Variants in CDH12 observed in about 807,000 individuals in gnomAD.
The protein encoded by CDH12 is cadherin-12.
A neutral mutation model predicts 74.1 loss-of-function variants in CDH12; 41 were observed. The observed-to-expected ratio is 0.55, with a 90% CI of 0.43 to 0.72. The LOEUF (loss-of-function observed/expected upper bound fraction) is 0.72, where lower values mean the gene tolerates loss of function less well. CDH12 is among the 30% of genes least tolerant of loss of function. The probability of loss-of-function intolerance (pLI) is 0.00; values close to 1 mark genes in which losing one functional copy is unlikely to be tolerated. For missense variants in CDH12, 945 were observed against 977.2 expected, an observed-to-expected ratio of 0.97 and a Z score of 0.44; for synonymous variants, 399 against 355.0, an observed-to-expected ratio of 1.12 and a Z score of -1.39.
At chr5:22,413,434 T>C (rs1027560641) in intron 2 of CDH12, among the ~76,000 whole-genome samples, 2 of 151,838 alleles carry the variant, frequency 1.3e-5, no homozygotes, top group African/African-American at 4.8e-5. Flanking sequence ...AAGCCGAAAA[T>C]GCCACAAAAC....
intron 1 of CDH12, among the ~76,000 whole-genome samples, chr5:22,709,092 C>CA (rs1743164878): frequency 6.6e-6 from 1 of 151,896 alleles, no homozygotes; most frequent in Non-Finnish European, 1.5e-5. Context: ...CTACCGACAC[C>CA]AAAAAAATCA....
At chr5:22,051,571 C>T (rs528933897) in intron 5 of CDH12, among the ~76,000 whole-genome samples, 14 of 152,154 alleles carry the variant, frequency 9.2e-5, no homozygotes, top group African/African-American at 1.7e-4. Flanking sequence ...ACCTTGGTCA[C>T]GCTGTATTCT....
chr5:21,833,520 G>GATATGTAATATATTATATAAT (rs200475189), intron 8 of CDH12, among the ~76,000 whole-genome samples: 26,187 of 116,782 alleles, frequency 0.22, 5,170 homozygotes, highest in African/African-American at 0.51. Context: ...TGGCATATGT[G>GATATGTAATATATTATATAAT]ATATGTCATA....
At chr5:21,974,496 ATAATTG>A (rs756240959) in intron 6 of CDH12, among the ~76,000 whole-genome samples, 41 of 152,210 alleles carry the variant, frequency 2.7e-4, no homozygotes, top group Middle Eastern at 3.4e-3. Flanking sequence ...TGTTAATTTG[ATAATTG>A]TAATTGTAAT....
At chr5:22,336,705 T>C (rs1418373999) in intron 3 of CDH12, among the ~76,000 whole-genome samples, 1 of 152,154 alleles carries the variant, frequency 6.6e-6, no homozygotes, top group Non-Finnish European at 1.5e-5. Flanking sequence ...AGAAATTGTA[T>C]GGAATGGCCT....
At chr5:22,457,681 C>A (rs1393095643) in intron 2 of CDH12, among the ~76,000 whole-genome samples, 5 of 151,576 alleles carry the variant, frequency 3.3e-5, no homozygotes, top group East Asian at 2.0e-4. Flanking sequence ...CAAGTTCCAG[C>A]AATTCTCCTG....
intron 1 of CDH12, among the ~76,000 whole-genome samples, chr5:22,528,679 C>T (rs1737397685): frequency 6.6e-6 from 1 of 151,974 alleles, no homozygotes; most frequent in African/African-American, 2.4e-5. Context: ...AGTGACCAGC[C>T]AATCTTATTA....
At chr5:22,843,156 G>A (rs1046005620) in intron 1 of CDH12, among the ~76,000 whole-genome samples, 8 of 151,978 alleles carry the variant, frequency 5.3e-5, no homozygotes, top group Admixed American at 1.3e-4. Context: ...TCATAGCTTT[G>A]TGACTGGGAA....
intron 10 of CDH12, among the ~76,000 whole-genome samples, chr5:21,801,108 A>G (rs1747087898): frequency 6.6e-6 from 1 of 152,200 alleles, no homozygotes; most frequent in Admixed American, 6.5e-5. Context: ...TGATGGATTC[A>G]GATAAATCCA....
intron 1 of CDH12, among the ~76,000 whole-genome samples, chr5:22,662,092 G>C (rs1740377302): frequency 1.3e-5 from 2 of 152,094 alleles, no homozygotes; most frequent in Non-Finnish European, 2.9e-5. Flanking sequence ...AACATGACTA[G>C]AGAACTCGCA....
intron 6 of CDH12, among the ~76,000 whole-genome samples, chr5:21,970,791 G>A (rs1204921104): frequency 8.6e-6 from 1 of 116,484 alleles, no homozygotes; most frequent in Non-Finnish European, 1.6e-5. Flanking sequence ...AGTGCGCCAA[G>A]ACCATACCAC....
Position 22,417,470 on chromosome 5 carries a change from T to C in CDH12, c.-427-12119A>G, listed in dbSNP as rs7734883. On this transcript the variant is annotated intron_variant, in intron 2 of 14. Coordinates refer to ENST00000382254, the MANE Select transcript of CDH12 (RefSeq NM_004061.5). ...TTTCTTTCATGCCTACTCTTTCACATTTCCGCCTTTCACTATGGGATGACG... is the reference window on the plus strand; with the variant it reads ...TTTCTTTCATGCCTACTCTTTCACACTTCCGCCTTTCACTATGGGATGACG... Among the ~76,000 whole-genome samples the C allele has an allele frequency of 4.1e-3, 624 of 152,320 alleles. 7 individuals are homozygous for C. Among genetic ancestry groups the C allele is most frequent in the African/African-American group, 0.014 (593 of 41,576 alleles).
intron 6 of CDH12, chr5:21,882,796 G>C: frequency 6.4e-7 from 1 of 1,573,586 alleles, no homozygotes; most frequent in Non-Finnish European, 8.7e-7. Flanking sequence ...CAGAGCTGGG[G>C]AAGTCCCAAC....
intron 1 of CDH12, among the ~76,000 whole-genome samples, chr5:22,559,603 T>TA (rs1738953412): frequency 6.6e-6 from 1 of 152,120 alleles, no homozygotes; most frequent in African/African-American, 2.4e-5. Context: ...TGTTACTTTT[T>TA]ATCTCTTTTT....
At chr5:22,322,262 A>C (rs1164918988) in intron 3 of CDH12, among the ~76,000 whole-genome samples, 3 of 152,188 alleles carry the variant, frequency 2.0e-5, no homozygotes, top group Admixed American at 6.5e-5. Context: ...GATTCCGCTC[A>C]TGGAGTTAAG....
chr5:22,283,312 T>TAC (rs1395411226), intron 3 of CDH12, among the ~76,000 whole-genome samples: 1 of 148,676 alleles, frequency 6.7e-6, no homozygotes, highest in African/African-American at 2.5e-5. Flanking sequence ...TACATATATA[T>TAC]ACACACACAG....
intron 6 of CDH12, among the ~76,000 whole-genome samples, chr5:21,891,635 A>G (rs1752906161): frequency 6.6e-6 from 1 of 150,474 alleles, no homozygotes; most frequent in Non-Finnish European, 1.5e-5. Context: ...AAGTCTTTTT[A>G]GCAGACTAAA....
chr5:22,529,446 T>C (rs955142637), intron 1 of CDH12, among the ~76,000 whole-genome samples: 15 of 151,828 alleles, frequency 9.9e-5, no homozygotes, highest in African/African-American at 3.4e-4. Flanking sequence ...ATTTAATCCA[T>C]TGGCAGGAAA....
chr5:22,676,204 G>T (rs1017949269), intron 1 of CDH12, among the ~76,000 whole-genome samples: 1 of 151,750 alleles, frequency 6.6e-6, no homozygotes. Context: ...GATAAATAAG[G>T]TAATGCAATA....
Sources: allele counts gnomAD v4.1 joint callset (sites outside exome capture counted in the v4.1 genomes callset), GRCh38; gene constraint gnomAD v4.1.1; transcripts MANE v1.5; gene names NCBI Gene and HGNC (gene_info 2026-07-23, HGNC 2026-07-21).